The following MLLT1 variants were observed in gnomAD, a reference collection of about 807,000 sequenced individuals.
MLLT1 encodes the protein protein ENL.
A neutral mutation model predicts 55.1 loss-of-function variants in MLLT1; 11 were observed. The ratio of observed to expected loss-of-function variants is 0.20; its 90% CI spans 0.13 to 0.33. The LOEUF is 0.33. MLLT1 is among the 10% of genes least tolerant of loss of function. The pLI is 1.00. For missense variants in MLLT1, 536 were observed against 760.6 expected (o/e 0.70, Z 3.47); for synonymous variants, 323 against 320.1 (o/e 1.01, Z -0.10).
intron 10 of MLLT1, 98 bp downstream of exon 10, chr19:6,213,628 C>T: frequency 2.4e-6 from 3 of 1,243,222 alleles, no homozygotes; most frequent in South Asian, 2.5e-5. Flanking sequence ...AAGAGTCCAA[C>T]TGTGGGGTGT....
At chr19:6,250,604 C>G (rs2091204783) in intron 3 of MLLT1, among the ~76,000 whole-genome samples, 1 of 152,240 alleles carries the variant, frequency 6.6e-6, no homozygotes, top group Admixed American at 6.5e-5. Flanking sequence ...CTACACATCA[C>G]TGCATTCACG....
rs547567505 is a variant in MLLT1 at position 6,234,470 on chromosome 19, T to TG, written c.277-3758dup. On this transcript the variant is annotated intron_variant, in intron 3 of 11. Transcript: ENST00000252674. Reference sequence around the variant, plus strand: ...GAACGAGGTGGGGGAGGAGAGCTCTTGTCCTGCCTTTCCTACAGAAGTGAC... The same window carrying TG: ...GAACGAGGTGGGGGAGGAGAGCTCTTGGTCCTGCCTTTCCTACAGAAGTGAC... Among the ~76,000 whole-genome samples the TG allele has an allele frequency of 1.3e-4, 20 of 152,310 alleles. No individual in the cohort carries two copies. In the South Asian group the frequency reaches 4.2e-3, roughly 32 times the overall value.
rs2091055522 is a variant in MLLT1, at chr19:6,235,812, G to T, written c.277-5099C>A. On this transcript the variant is annotated intron_variant, in intron 3 of 11. Transcript: ENST00000252674. This position sits in a 1 kb window ranked among gnomAD's most constrained non-coding sequence, Gnocchi z 5.5. ...GCCTGGAGGAGGCTCCACATCCTCG[G>T]TGCAGCCAGAGGGACATGCTGCCTT... is the stretch of plus-strand genomic sequence containing the variant. Among the ~76,000 whole-genome samples, 1 of 152,100 alleles carries T rather than the reference G, an allele frequency of 6.6e-6. No individual in the cohort carries two copies. Among genetic ancestry groups the T allele is most frequent in the Non-Finnish European group, 1.5e-5 (1 of 68,012 alleles).
In MLLT1 at chr19:6,227,915, G is replaced by C. The variant is rs2090970220; in HGVS notation, c.421-813C>G. On this transcript the variant is annotated intron_variant, in intron 4 of 11. Transcript: ENST00000252674. The surrounding 1 kb of genome is among the most constrained non-coding windows in gnomAD (Gnocchi z 5.1). ...CAGATGGCCGCAAGAGAGAACAAAAGAAGAAAATACACTTCAAAAAAAAAG... is the reference window on the plus strand; with the variant it reads ...CAGATGGCCGCAAGAGAGAACAAAACAAGAAAATACACTTCAAAAAAAAAG... 1.3e-5 allele frequency among the ~76,000 whole-genome samples: 2 copies of C among 152,046 alleles called. No homozygotes were observed. The highest frequency in any genetic ancestry group is 4.8e-5 in the African/African-American group (2 of 41,398).
intron 2 of MLLT1, among the ~76,000 whole-genome samples, chr19:6,267,097 T>C (rs1018640732): frequency 4.0e-5 from 6 of 151,874 alleles, no homozygotes; most frequent in Non-Finnish European, 8.8e-5. Flanking sequence ...GACACCCCCA[T>C]CTCTAAAAGA....
At chr19:6,278,779 C>T (rs747403813) in intron 1 of MLLT1, among the ~76,000 whole-genome samples, 4 of 152,164 alleles carry the variant, frequency 2.6e-5, no homozygotes, top group Non-Finnish European at 5.9e-5. Flanking sequence ...GAAGAAACTG[C>T]TCCTGGTCCT....
chr19:6,250,482 G>T (rs978440919), intron 3 of MLLT1, among the ~76,000 whole-genome samples: 1 of 152,200 alleles, frequency 6.6e-6, no homozygotes, highest in African/African-American at 2.4e-5. Context: ...ACCAAAGTCT[G>T]CAGAGGCTCA....
rs370628679 is a variant in MLLT1, at chr19:6,273,171, G to C, written c.13-2412C>G. Reference sequence around the variant, plus strand: ...ATGGGAAACGGTCTCGGAGTCAAAAGCCCCCGGCCCTCTGTGTAAGGCCTG... The same window carrying C: ...ATGGGAAACGGTCTCGGAGTCAAAACCCCCCGGCCCTCTGTGTAAGGCCTG... On this transcript the variant is annotated intron_variant, in intron 1 of 11. Coordinates refer to ENST00000252674, the MANE Select transcript of MLLT1 (RefSeq NM_005934.4). This position sits in a 1 kb window ranked among gnomAD's most constrained non-coding sequence, Gnocchi z 4.3. 5.3e-5 allele frequency among the ~76,000 whole-genome samples: 8 copies of C among 152,182 alleles called. No homozygotes were observed. Among genetic ancestry groups the C allele is most frequent in the African/African-American group, 1.9e-4 (8 of 41,526 alleles).
rs1568283010 is a variant in MLLT1, at chr19:6,235,238, C to T, written c.277-4525G>A. Among the ~76,000 whole-genome samples, 3 of 152,218 alleles carry T rather than the reference C, an allele frequency of 2.0e-5. No individual in the cohort carries two copies. Among genetic ancestry groups the T allele is most frequent in the Non-Finnish European group, 2.9e-5 (2 of 68,028 alleles). On this transcript the variant is annotated intron_variant, in intron 3 of 11. Coordinates refer to ENST00000252674, the MANE Select transcript of MLLT1 (RefSeq NM_005934.4). The surrounding 1 kb of genome is among the most constrained non-coding windows in gnomAD (Gnocchi z 5.5). Reference sequence around the variant, plus strand: ...CTTTCCCTGGTAACTTCTGAGTGGACGCTGGCAGCACGGCTGTGCAGAGGA... The same window carrying T: ...CTTTCCCTGGTAACTTCTGAGTGGATGCTGGCAGCACGGCTGTGCAGAGGA...
At chr19:6,279,101 G>A (rs898908494) in intron 1 of MLLT1, among the ~76,000 whole-genome samples, 1 of 152,092 alleles carries the variant, frequency 6.6e-6, no homozygotes, top group Non-Finnish European at 1.5e-5. Flanking sequence ...TAGGGGATGG[G>A]TGGAGATAAA....
intron 1 of MLLT1, among the ~76,000 whole-genome samples, chr19:6,276,693 C>T (rs2091429878): frequency 6.6e-6 from 1 of 152,126 alleles, no homozygotes; most frequent in Admixed American, 6.5e-5. Flanking sequence ...AAACAAACCA[C>T]ACTCCTTCCA....
Position 6,212,053 on chromosome 19 carries a change from C to A in MLLT1, c.*989G>T. 9.4e-7 allele frequency: 1 copy of A among 1,066,036 alleles called. No homozygotes were observed. The highest frequency in any genetic ancestry group is 1.1e-6 in the Non-Finnish European group (1 of 879,458). The allele number at this position is 1,066,036 out of a possible 1,614,324, so 66.0% of individuals were successfully genotyped here. ...CCATAAACTATCCCGTCTTATTTGG[C>A]AAAAGCTCATATTTTTTTCAAAGTT... On this transcript the variant is annotated 3_prime_UTR_variant, in exon 12 of 12. Coordinates refer to ENST00000252674, the MANE Select transcript of MLLT1 (RefSeq NM_005934.4).
chr19:6,266,202 A>T (rs1215953554), intron 2 of MLLT1, among the ~76,000 whole-genome samples: 1 of 151,140 alleles, frequency 6.6e-6, no homozygotes, highest in Admixed American at 6.6e-5. Flanking sequence ...GCTTCAGCCC[A>T]AAGGTCAAGG....
chr19:6,214,564 G>A (rs1291222294), intron 8 of MLLT1, among the ~76,000 whole-genome samples: 1 of 152,138 alleles, frequency 6.6e-6, no homozygotes, highest in Non-Finnish European at 1.5e-5. Flanking sequence ...CTGGTGGTGG[G>A]GAGAGGTCCA....
intron 7 of MLLT1, 141 bp downstream of exon 7, chr19:6,217,813 C>G: frequency 7.2e-6 from 9 of 1,250,480 alleles, no homozygotes; most frequent in Non-Finnish European, 9.6e-6. Context: ...TATAGACTCC[C>G]CCAGGCCACC....
chr19:6,232,366 C>G (rs1399824564), intron 3 of MLLT1, among the ~76,000 whole-genome samples: 1 of 152,202 alleles, frequency 6.6e-6, no homozygotes, highest in African/African-American at 2.4e-5. Context: ...ACCAATGGTG[C>G]TGGGACAACT....
At position 6,270,850 on chromosome 19, in the gene MLLT1, C is replaced by T. The variant is rs919700254; in HGVS notation, c.13-91G>A. On this transcript the variant is annotated intron_variant, in intron 1 of 11. Transcript: ENST00000252674. The surrounding 1 kb of genome is among the most constrained non-coding windows in gnomAD (Gnocchi z 7.1). Reference sequence around the variant, plus strand: ...CCCACAGAGAACTTTCGATAAAGACCCCCAGCAGTGCAATACGCTCTCAAC... The same window carrying T: ...CCCACAGAGAACTTTCGATAAAGACTCCCAGCAGTGCAATACGCTCTCAAC... 4.8e-6 allele frequency: 6 copies of T among 1,262,812 alleles called. No individual in the cohort carries two copies. Among genetic ancestry groups the T allele is most frequent in the Non-Finnish European group, 5.5e-6 (5 of 917,350 alleles). The allele number at this position is 1,262,812 out of a possible 1,614,324, so 78.2% of individuals were successfully genotyped here.
At position 6,230,480 on chromosome 19, in the gene MLLT1, GCACCGA is replaced by G; in HGVS notation, c.420+84_420+89del. 1 of 1,517,840 alleles carries G rather than the reference GCACCGA, an allele frequency of 6.6e-7. No individual in the cohort carries two copies. Among genetic ancestry groups the G allele is most frequent in the Non-Finnish European group, 8.9e-7 (1 of 1,121,512 alleles). 94.0% of individuals were successfully genotyped at this position (1,517,840 alleles called of 1,614,324 possible). On this transcript the variant is annotated intron_variant, in intron 4 of 11. Coordinates refer to ENST00000252674, the MANE Select transcript of MLLT1 (RefSeq NM_005934.4). This position sits in a 1 kb window ranked among gnomAD's most constrained non-coding sequence, Gnocchi z 9.0. ...CCTGCGCCTTGGGTCTCGGCCCCCA[GCACCGA>G]CACCTCTGGCTGGGCACAGACGGCC...
At chr19:6,265,822 T>C (rs1340143973) in intron 2 of MLLT1, among the ~76,000 whole-genome samples, 2 of 149,302 alleles carry the variant, frequency 1.3e-5, no homozygotes, top group African/African-American at 5.0e-5. Flanking sequence ...CTACTAAAAA[T>C]ACAAAAATTA....
Sources: allele counts gnomAD v4.1 joint callset (sites outside exome capture counted in the v4.1 genomes callset), GRCh38; gene constraint gnomAD v4.1.1; non-coding constraint Gnocchi (gnomAD v3.1); transcripts MANE v1.5; gene names NCBI Gene and HGNC (gene_info 2026-07-23, HGNC 2026-07-21).